Variants in CTNND2 observed in about 807,000 individuals in gnomAD.
The protein encoded by CTNND2 is catenin delta 2, also known as catenin delta-2.
CTNND2 carries 22 observed loss-of-function variants against 144.4 expected under a neutral mutation model. The ratio of observed to expected loss-of-function variants is 0.15; its 90% CI spans 0.11 to 0.22. The LOEUF is 0.22. Among genes scored for constraint, CTNND2 ranks in the 10% least tolerant of loss-of-function variants. The pLI is 1.00. For synonymous variants in CTNND2, 751 were observed against 695.6 expected (o/e 1.08, Z -1.25); for missense variants, 1,353 against 1,618.8 (o/e 0.84, Z 2.82).
At position 10,973,471 on chromosome 5, in the gene CTNND2, G is replaced by A. The variant is rs1414436445; in HGVS notation, c.3660C>T (p.Ser1220=). Residue 1220 remains serine (S), a synonymous_variant, in exon 22 of 22, where the codon TCC becomes TCT. Transcript: ENST00000304623. The surrounding 1 kb of genome is among the most constrained non-coding windows in gnomAD (Gnocchi z 5.6). ...CTGCTCCTCACACCCAGGAGTCGGG[G>A]GAGGCCGGGTAGTGGCTCGTTTCAT... ...LNYETSHYPA[S]PDSWV 1 of 1,598,862 alleles carries A rather than the reference G, an allele frequency of 6.3e-7. No individual in the cohort carries two copies. The highest frequency in any genetic ancestry group is 8.5e-7 in the Non-Finnish European group (1 of 1,170,214).
At chr5:11,599,264 G>C (rs939711927) in intron 2 of CTNND2, among the ~76,000 whole-genome samples, 8 of 151,986 alleles carry the variant, frequency 5.3e-5, no homozygotes, top group Non-Finnish European at 1.5e-5. Context: ...AATCTACTTA[G>C]GCAGTTCATG....
chr5:11,846,479 C>G (rs2126994212), intron 1 of CTNND2, among the ~76,000 whole-genome samples: 1 of 152,224 alleles, frequency 6.6e-6, no homozygotes, highest in East Asian at 1.9e-4. Flanking sequence ...AGACCCAAAA[C>G]TATGCAATTA....
At position 11,420,252 on chromosome 5, in the gene CTNND2, G is replaced by T. The variant is rs182083526; in HGVS notation, c.288-8183C>A. 1.6e-3 allele frequency among the ~76,000 whole-genome samples: 248 copies of T among 152,256 alleles called. 1 individual carries two copies. Among genetic ancestry groups the T allele is most frequent in the African/African-American group, 5.6e-3 (231 of 41,546 alleles). On this transcript the variant is annotated intron_variant, in intron 3 of 21. Transcript: ENST00000304623. ...GCAGGAGAATTGCTTGAACCGGGGA[G>T]GTGGAGGTTGCAGTGAACCGAGATG...
chr5:11,426,580 C>A (rs570029251), intron 3 of CTNND2, among the ~76,000 whole-genome samples: 22 of 152,304 alleles, frequency 1.4e-4, no homozygotes, highest in African/African-American at 5.3e-4. Flanking sequence ...ATTTGCAATG[C>A]CCTGATGGAC....
intron 18 of CTNND2, among the ~76,000 whole-genome samples, chr5:11,010,844 T>G (rs1242182622): frequency 6.6e-6 from 1 of 152,266 alleles, no homozygotes; most frequent in African/African-American, 2.4e-5. Flanking sequence ...TCACTTGCTG[T>G]GCAACCCAAG....
intron 2 of CTNND2, among the ~76,000 whole-genome samples, chr5:11,592,089 T>A (rs1779269196): frequency 6.6e-6 from 1 of 151,746 alleles, no homozygotes; most frequent in Admixed American, 6.6e-5. Context: ...CAGTTGAGGA[T>A]TCTGGCTCAG....
chr5:11,427,994 G>C lies in CTNND2; in HGVS notation c.288-15925C>G, dbSNP rs1483964852. Among the ~76,000 whole-genome samples, 5 of 152,264 alleles carry C rather than the reference G, an allele frequency of 3.3e-5. No homozygotes were observed. In the East Asian group the frequency reaches 9.7e-4, roughly 29 times the overall value. ...CACTTCTTACATGGTGACAGCAAGAGCAAATGAGGAAGAAGCAAAAGCAGA... is the reference window on the plus strand; with the variant it reads ...CACTTCTTACATGGTGACAGCAAGACCAAATGAGGAAGAAGCAAAAGCAGA... On this transcript the variant is annotated intron_variant, in intron 3 of 21. Transcript: ENST00000304623.
chr5:11,260,487 G>A (rs991492307), intron 9 of CTNND2, among the ~76,000 whole-genome samples: 8 of 152,144 alleles, frequency 5.3e-5, no homozygotes, highest in African/African-American at 1.7e-4. Context: ...AAAATTTCAT[G>A]TAATATATGT....
At chr5:11,677,195 G>T (rs1236839367) in intron 2 of CTNND2, among the ~76,000 whole-genome samples, 1 of 152,206 alleles carries the variant, frequency 6.6e-6, no homozygotes, top group Non-Finnish European at 1.5e-5. Context: ...GCCAATCACA[G>T]TAGCCAAGCT....
intron 11 of CTNND2, among the ~76,000 whole-genome samples, chr5:11,176,190 C>T (rs571621489): frequency 6.6e-6 from 1 of 152,126 alleles, no homozygotes; most frequent in East Asian, 1.9e-4. Flanking sequence ...TTTTTGTGAC[C>T]CTTAGTCTAT....
chr5:11,062,441 C>T (rs868442400), intron 16 of CTNND2, among the ~76,000 whole-genome samples: 4 of 152,150 alleles, frequency 2.6e-5, no homozygotes, highest in African/African-American at 9.7e-5. Context: ...CAAATGCAAC[C>T]CCTAAATCTT....
rs190207567 is a variant in CTNND2 at position 11,357,993 on chromosome 5, C to G, written c.1372+6703G>C. On this transcript the variant is annotated intron_variant, in intron 8 of 21. Coordinates refer to ENST00000304623, the MANE Select transcript of CTNND2 (RefSeq NM_001332.4). ...GTAATGTCTTAATTATTCTTAAGTTCCAACTTTTGGTATTATATTATATGA... is the reference window on the plus strand; with the variant it reads ...GTAATGTCTTAATTATTCTTAAGTTGCAACTTTTGGTATTATATTATATGA... 7.9e-5 allele frequency among the ~76,000 whole-genome samples: 12 copies of G among 152,114 alleles called. No individual in the cohort carries two copies. The East Asian group carries it at 2.3e-3, about 29-fold the overall frequency.
intron 1 of CTNND2, among the ~76,000 whole-genome samples, chr5:11,794,638 A>G (rs1791306874): frequency 6.6e-6 from 1 of 152,212 alleles, no homozygotes; most frequent in African/African-American, 2.4e-5. Flanking sequence ...TGAGTTTTCA[A>G]CAGGACTGTA....
chr5:11,745,194 T>G (rs1172744699), intron 1 of CTNND2, among the ~76,000 whole-genome samples: 1 of 152,238 alleles, frequency 6.6e-6, no homozygotes, highest in Non-Finnish European at 1.5e-5. Context: ...TGGAATTCTG[T>G]GTCATATCCC....
At chr5:11,664,666 T>G (rs1047158974) in intron 2 of CTNND2, among the ~76,000 whole-genome samples, 4 of 152,194 alleles carry the variant, frequency 2.6e-5, no homozygotes, top group African/African-American at 9.6e-5. Context: ...AAAAAACATT[T>G]GCTCATTTCC....
intron 9 of CTNND2, among the ~76,000 whole-genome samples, chr5:11,307,304 AGTGTGTGTGT>A (rs3033112): frequency 0.012 from 1,700 of 146,480 alleles, 22 homozygotes; most frequent in African/African-American, 0.034. Flanking sequence ...AAGGTAGAGT[AGTGTGTGTGT>A]GTGTGTGTGT....
chr5:11,821,476 A>G (rs1793303824), intron 1 of CTNND2, among the ~76,000 whole-genome samples: 1 of 152,206 alleles, frequency 6.6e-6, no homozygotes, highest in Non-Finnish European at 1.5e-5. Flanking sequence ...TAAGGGTTTC[A>G]TAATAAAATG....
At chr5:11,367,388 T>C (rs1757084237) in intron 7 of CTNND2, among the ~76,000 whole-genome samples, 1 of 152,254 alleles carries the variant, frequency 6.6e-6, no homozygotes, top group Admixed American at 6.5e-5. Context: ...TAGATCCATA[T>C]GAACAAGGCC....
At chr5:11,798,281 T>TTG (rs1791506135) in intron 1 of CTNND2, among the ~76,000 whole-genome samples, 2 of 151,472 alleles carry the variant, frequency 1.3e-5, no homozygotes, top group African/African-American at 4.9e-5. Flanking sequence ...AAAAAAAGGT[T>TTG]TGTGTGTCTT....
Sources: gnomAD v4.1 joint callset for allele counts (sites outside exome capture counted in the v4.1 genomes callset) on GRCh38, gnomAD v4.1.1 for gene constraint, Gnocchi (gnomAD v3.1) non-coding constraint, MANE v1.5 for transcripts, NCBI Gene and HGNC (gene_info 2026-07-23, HGNC 2026-07-21) for gene names.